Variants in LRFN5 observed in about 807,000 individuals in gnomAD.
LRFN5 encodes the protein leucine rich repeat and fibronectin type III domain containing 5, also known as leucine-rich repeat and fibronectin type-III domain-containing protein 5.
A neutral mutation model predicts 45.6 loss-of-function variants in LRFN5; 24 were observed. The ratio of observed to expected loss-of-function variants is 0.53; its 90% CI spans 0.38 to 0.74. The LOEUF is 0.74. Among genes scored for constraint, LRFN5 ranks in the 30% least tolerant of loss-of-function variants. LRFN5 has a pLI of 0.00. For missense variants in LRFN5, 776 were observed against 861.5 expected, an observed-to-expected ratio of 0.90 and a Z score of 1.24; for synonymous variants, 340 against 313.8, an observed-to-expected ratio of 1.08 and a Z score of -0.88.
At chr14:41,667,501 T>A (rs1045277519) in intron 1 of LRFN5, among the ~76,000 whole-genome samples, 21 of 152,186 alleles carry the variant, frequency 1.4e-4, no homozygotes, top group African/African-American at 5.1e-4. Context: ...GTGGCTAACA[T>A]GCTGGACAGG....
chr14:41,799,412 TAAC>T (rs141852143), intron 2 of LRFN5, among the ~76,000 whole-genome samples: 2,247 of 152,056 alleles, frequency 0.015, 13 homozygotes, highest in Middle Eastern at 0.034. Context: ...AATACAAACT[TAAC>T]AACTAATAGC....
intron 2 of LRFN5, among the ~76,000 whole-genome samples, chr14:41,771,251 A>T (rs908165881): frequency 1.5e-4 from 23 of 150,936 alleles, no homozygotes; most frequent in African/African-American, 5.1e-4. Flanking sequence ...TTCTGGGAGC[A>T]GGCCCAGTCT....
chr14:41,628,747 T>A (rs1018205926), intron 1 of LRFN5, among the ~76,000 whole-genome samples: 7 of 152,176 alleles, frequency 4.6e-5, no homozygotes, highest in African/African-American at 1.4e-4. Context: ...TGATGTCTGA[T>A]ATGGATAGTA....
At chr14:41,840,965 G>A (rs1327397459) in intron 2 of LRFN5, among the ~76,000 whole-genome samples, 1 of 151,496 alleles carries the variant, frequency 6.6e-6, no homozygotes. Context: ...TATGTATTAC[G>A]TATTTTAGTA....
intron 2 of LRFN5, among the ~76,000 whole-genome samples, chr14:41,868,615 C>A (rs1006320684): frequency 2.6e-5 from 4 of 152,244 alleles, no homozygotes; most frequent in African/African-American, 9.6e-5. Flanking sequence ...CATGAAATGT[C>A]TTTAGAAGAC....
At chr14:41,738,802 T>G (rs1163977913) in intron 1 of LRFN5, among the ~76,000 whole-genome samples, 1 of 152,230 alleles carries the variant, frequency 6.6e-6, no homozygotes, top group Non-Finnish European at 1.5e-5. Flanking sequence ...GTAGGTTGTT[T>G]TATATTCAAA....
intron 1 of LRFN5, among the ~76,000 whole-genome samples, chr14:41,740,015 C>T (rs56907683): frequency 0.17 from 25,166 of 151,814 alleles, 2,185 homozygotes; most frequent in Admixed American, 0.19. Context: ...AAAATCTGAA[C>T]AGACTTGTAA....
chr14:41,864,451 T>C (rs576816495), intron 2 of LRFN5, among the ~76,000 whole-genome samples: 35 of 152,354 alleles, frequency 2.3e-4, no homozygotes, highest in Non-Finnish European at 3.7e-4. Flanking sequence ...CATATGTTTG[T>C]TGGCTACATA....
chr14:41,631,325 G>A (rs1173329304), intron 1 of LRFN5, among the ~76,000 whole-genome samples: 3 of 151,914 alleles, frequency 2.0e-5, no homozygotes, highest in Non-Finnish European at 2.9e-5. Flanking sequence ...ATTCCATACT[G>A]TTCAAATCTA....
intron 2 of LRFN5, among the ~76,000 whole-genome samples, chr14:41,826,029 T>G (rs184210733): frequency 1.3e-5 from 2 of 152,332 alleles, no homozygotes; most frequent in Non-Finnish European, 2.9e-5. Context: ...CATTCTACTT[T>G]CAACATTTAG....
intron 2 of LRFN5, among the ~76,000 whole-genome samples, chr14:41,821,541 T>A (rs1045251233): frequency 6.6e-6 from 1 of 151,986 alleles, no homozygotes; most frequent in African/African-American, 2.4e-5. Flanking sequence ...TAGTATTCTG[T>A]TCAGAATTTT....
rs1192308383 is a variant in LRFN5 at position 41,702,983 on chromosome 14, A to T, written c.-196-63871A>T. ...CCATGGCACCCCTTTATCACTTTCA[A>T]ATTCGAATGTGTGACAATTATTAAA... is the stretch of plus-strand genomic sequence containing the variant. On this transcript the variant is annotated intron_variant, in intron 1 of 5. Coordinates refer to ENST00000298119, the MANE Select transcript of LRFN5 (RefSeq NM_152447.5). Among the ~76,000 whole-genome samples, 4 of 152,024 alleles carry T rather than the reference A, an allele frequency of 2.6e-5. No homozygotes were observed. In the South Asian group the frequency reaches 8.3e-4, roughly 32 times the overall value.
chr14:41,859,837 C>G (rs1889599911), intron 2 of LRFN5, among the ~76,000 whole-genome samples: 1 of 152,128 alleles, frequency 6.6e-6, no homozygotes, highest in African/African-American at 2.4e-5. Flanking sequence ...TAGTTGTCAT[C>G]ACACTGAAAG....
At chr14:41,650,201 C>G (rs1481698051) in intron 1 of LRFN5, among the ~76,000 whole-genome samples, 2 of 147,388 alleles carry the variant, frequency 1.4e-5, no homozygotes, top group Admixed American at 6.9e-5. Context: ...CAAGACCAGC[C>G]TGGCCAACAT....
chr14:41,887,148 A>G lies in LRFN5; in HGVS notation c.523A>G (p.Thr175Ala). 6.2e-7 allele frequency: 1 copy of G among 1,614,052 alleles called. No homozygotes were observed. The highest frequency in any genetic ancestry group is 8.5e-7 in the Non-Finnish European group (1 of 1,180,006). Residue 175 changes from threonine to alanine, a missense_variant, in exon 3 of 6, where the codon ACC becomes GCC. Physicochemically the swap from Thr to Ala is moderately conservative, Grantham distance 58. Coordinates refer to ENST00000298119, the MANE Select transcript of LRFN5 (RefSeq NM_152447.5). The surrounding 1 kb of genome is among the most constrained non-coding windows in gnomAD (Gnocchi z 4.8). ...TGTTGAGAAGATGGTTAGCTTGCAT[A>G]CCCTTAGTTTGGATCACAATATGAT... Reference protein sequence around the residue: ...DAVEKMVSLHTLSLDHNMIDN... With the variant: ...DAVEKMVSLHALSLDHNMIDN...
At chr14:41,869,799 G>A (rs956760721) in intron 2 of LRFN5, among the ~76,000 whole-genome samples, 32 of 151,958 alleles carry the variant, frequency 2.1e-4, no homozygotes, top group African/African-American at 7.7e-4. Flanking sequence ...AACAGCAAGA[G>A]AAAGACCCAT....
chr14:41,879,079 A>T (rs1376641732), intron 2 of LRFN5, among the ~76,000 whole-genome samples: 1 of 152,018 alleles, frequency 6.6e-6, no homozygotes, highest in Non-Finnish European at 1.5e-5. Flanking sequence ...TTTAGGGAGT[A>T]GTCCAGATTT....
At chr14:41,864,509 A>G (rs754364506) in intron 2 of LRFN5, among the ~76,000 whole-genome samples, 1 of 152,114 alleles carries the variant, frequency 6.6e-6, no homozygotes, top group East Asian at 1.9e-4. Context: ...TCTGTCTTCA[A>G]ATATCCCCTT....
chr14:41,735,526 C>T (rs1026358502), intron 1 of LRFN5, among the ~76,000 whole-genome samples: 2 of 152,044 alleles, frequency 1.3e-5, no homozygotes. Context: ...TCTGCGTCAG[C>T]CCCCCCACGT....
Sources: gnomAD v4.1 joint callset for allele counts (sites outside exome capture counted in the v4.1 genomes callset) on GRCh38, gnomAD v4.1.1 for gene constraint, Gnocchi (gnomAD v3.1) non-coding constraint, MANE v1.5 for transcripts, NCBI Gene and HGNC (gene_info 2026-07-23, HGNC 2026-07-21) for gene names.